The following TMEM30A variants were observed in gnomAD, a reference collection of about 807,000 sequenced individuals.
TMEM30A encodes cell division cycle 50 P4-ATPase accessory subunit A.
Under a neutral mutation model 38.2 loss-of-function variants are expected in TMEM30A, and 24 were observed. The observed-to-expected ratio is 0.63, with a 90% CI of 0.46 to 0.88. The LOEUF (loss-of-function observed/expected upper bound fraction) is 0.88, where lower values mean the gene tolerates loss of function less well. Ranked by LOEUF, TMEM30A falls within the 40% of genes least tolerant of loss-of-function variation. The probability of loss-of-function intolerance (pLI) is 0.00; values close to 1 mark genes in which losing one functional copy is unlikely to be tolerated. For missense variants in TMEM30A, 370 were observed against 458.6 expected (o/e 0.81, Z 1.77); for synonymous variants, 145 against 161.6 (o/e 0.90, Z 0.78).
Position 75,256,357 on chromosome 6 carries a change from A to G in TMEM30A, c.893-62T>C, listed in dbSNP as rs1310666584. The G allele has an allele frequency of 3.4e-6, 5 of 1,450,592 alleles. No individual in the cohort carries two copies. The Admixed American group carries it at 1.0e-4, about 30-fold the overall frequency. The allele number at this position is 1,450,592 out of a possible 1,614,324, so 89.9% of individuals were successfully genotyped here. On this transcript the variant is annotated intron_variant, in intron 6 of 6. Coordinates refer to ENST00000230461, the MANE Select transcript of TMEM30A (RefSeq NM_018247.4). ...TACTTGATGTTTAAAATACAATTTT[A>G]AAAGTTGCCATTTAATTGTTGGTAA...
chr6:75,281,461 AG>A (rs768903623), intron 1 of TMEM30A, among the ~76,000 whole-genome samples: 22 of 152,166 alleles, frequency 1.4e-4, no homozygotes, highest in Non-Finnish European at 2.9e-4. Context: ...CATTTTATTT[AG>A]ATTATTGAAA....
intron 3 of TMEM30A, 55 bp from the exon 4 acceptor site, chr6:75,260,966 C>G: frequency 8.2e-7 from 1 of 1,218,082 alleles, no homozygotes; most frequent in Non-Finnish European, 1.2e-6. Context: ...TTTGGGAGAA[C>G]TATGAGCTAT....
intron 6 of TMEM30A, 77 bp downstream of exon 6, chr6:75,258,703 G>T: frequency 1.6e-6 from 2 of 1,283,114 alleles, no homozygotes; most frequent in South Asian, 2.6e-5. Context: ...AAGGTAACAT[G>T]CCACATAACA....
chr6:75,260,468 T>C (rs1771946735), intron 4 of TMEM30A, among the ~76,000 whole-genome samples: 1 of 152,144 alleles, frequency 6.6e-6, no homozygotes, highest in African/African-American at 2.4e-5. Flanking sequence ...AGGACTTGTA[T>C]TTATAGCTCA....
In TMEM30A at chr6:75,258,930, C is replaced by A. The variant is rs1291272883; in HGVS notation, c.742G>T (p.Asp248Tyr). Reference sequence around the variant, plus strand: ...TCCTCATTTATGAATCCATTATTATCTGGGTCAGAATCCAGCATGTAAACT... The same window carrying A: ...TCCTCATTTATGAATCCATTATTATATGGGTCAGAATCCAGCATGTAAACT... ...KPVYMLDSDP[D>Y]NNGFINEDFI... Residue 248 changes from aspartate (D) to tyrosine (Y), a missense_variant, in exon 6 of 7, where the codon GAT becomes TAT. Coordinates refer to ENST00000230461, the MANE Select transcript of TMEM30A (RefSeq NM_018247.4). The A allele has an allele frequency of 1.2e-6, 2 of 1,613,914 alleles. No individual in the cohort carries two copies. Among genetic ancestry groups the A allele is most frequent in the Non-Finnish European group, 1.7e-6 (2 of 1,179,934 alleles).
intron 1 of TMEM30A, among the ~76,000 whole-genome samples, chr6:75,277,057 A>G (rs1036737085): frequency 6.6e-6 from 1 of 152,124 alleles, no homozygotes; most frequent in Non-Finnish European, 1.5e-5. Flanking sequence ...TAAACCATCA[A>G]CCCTTCCTTC....
chr6:75,267,785 G>C, intron 1 of TMEM30A, 37 bp from the exon 2 acceptor site: 2 of 1,426,758 alleles, frequency 1.4e-6, no homozygotes, highest in Non-Finnish European at 1.9e-6. Flanking sequence ...CTTCCTTAGA[G>C]AAAGTGGATA....
intron 1 of TMEM30A, among the ~76,000 whole-genome samples, chr6:75,283,381 G>A: frequency 6.6e-6 from 1 of 151,214 alleles, no homozygotes; most frequent in East Asian, 1.9e-4. Context: ...ACTAGTTCCT[G>A]CCCTTTCAAA....
intron 4 of TMEM30A, among the ~76,000 whole-genome samples, chr6:75,260,433 A>G (rs1771946052): frequency 1.3e-5 from 2 of 152,088 alleles, no homozygotes; most frequent in South Asian, 4.1e-4. Flanking sequence ...AAAAAAAAAA[A>G]GACAGAAAAT....
chr6:75,275,997 C>T (rs1364218983), intron 1 of TMEM30A, among the ~76,000 whole-genome samples: 1 of 152,142 alleles, frequency 6.6e-6, no homozygotes, highest in Admixed American at 6.5e-5. Context: ...TCCCAGGAGG[C>T]AGAGTGACTG....
At chr6:75,271,697 G>A (rs552069087) in intron 1 of TMEM30A, among the ~76,000 whole-genome samples, 1 of 152,270 alleles carries the variant, frequency 6.6e-6, no homozygotes, top group South Asian at 2.1e-4. Flanking sequence ...GGTCACACAA[G>A]TAGTAATAGC....
intron 6 of TMEM30A, chr6:75,256,660 A>G (rs1185160932): frequency 2.5e-6 from 1 of 394,408 alleles, no homozygotes; most frequent in African/African-American, 2.1e-5. Flanking sequence ...AGACTGACAG[A>G]CCAGGAGAAA....
intron 1 of TMEM30A, among the ~76,000 whole-genome samples, chr6:75,269,710 T>C (rs1464721271): frequency 1.3e-5 from 2 of 152,214 alleles, no homozygotes; most frequent in African/African-American, 4.8e-5. Context: ...TTTTCTTTTT[T>C]TTTTGAGACG....
intron 3 of TMEM30A, among the ~76,000 whole-genome samples, chr6:75,263,662 C>A (rs1212817614): frequency 6.6e-6 from 1 of 152,170 alleles, no homozygotes; most frequent in African/African-American, 2.4e-5. Context: ...ACTTGTGTCA[C>A]AATGCATGGT....
At chr6:75,281,802 A>G (rs1218038161) in intron 1 of TMEM30A, among the ~76,000 whole-genome samples, 1 of 152,172 alleles carries the variant, frequency 6.6e-6, no homozygotes, top group Non-Finnish European at 1.5e-5. Flanking sequence ...AACTTACAGT[A>G]TGAAAGTGAA....
At chr6:75,265,369 T>C (rs957439723) in intron 2 of TMEM30A, 31 bp from the exon 3 acceptor site, 13 of 1,304,130 alleles carry the variant, frequency 1.0e-5, no homozygotes, top group Non-Finnish European at 1.4e-5. Context: ...AAAATTTTCA[T>C]ATAAAAACTA....
At chr6:75,261,039 TA>T (rs1771956483) in intron 3 of TMEM30A, 128 bp from the exon 4 acceptor site, 1 of 547,956 alleles carries the variant, frequency 1.8e-6, no homozygotes, top group South Asian at 3.0e-5. Flanking sequence ...CACAGGTCTG[TA>T]ATGTAAGTAG....
At chr6:75,265,116 C>T in intron 3 of TMEM30A, 115 bp downstream of exon 3, 1 of 650,976 alleles carries the variant, frequency 1.5e-6, no homozygotes, top group Admixed American at 3.4e-5. Context: ...AAAATCCTCA[C>T]TATACAAACT....
rs1771952008 is a variant in TMEM30A, at chr6:75,260,762, C to T, written c.541+62G>A. On this transcript the variant is annotated intron_variant, in intron 4 of 6. Transcript: ENST00000230461. ...ATTCATGTTTACTAAACTATCAAAT[C>T]TGTAATGAAATTATGCAAATTGTCC... 4 of 1,057,926 alleles carry T rather than the reference C, an allele frequency of 3.8e-6. No individual in the cohort carries two copies. In the South Asian group the frequency reaches 8.1e-5, roughly 21 times the overall value. The allele number at this position is 1,057,926 out of a possible 1,614,324, so 65.5% of individuals were successfully genotyped here.
Sources: allele counts gnomAD v4.1 joint callset (sites outside exome capture counted in the v4.1 genomes callset), GRCh38; gene constraint gnomAD v4.1.1; transcripts MANE v1.5; gene names NCBI Gene and HGNC (gene_info 2026-07-23, HGNC 2026-07-21).